CECR2: variants seen among roughly 807,000 people sequenced by gnomAD.
CECR2 encodes the protein chromatin remodeling regulator CECR2.
CECR2 carries 30 observed loss-of-function variants against 154.5 expected under a neutral mutation model. The observed-to-expected ratio is 0.19, with a 90% CI of 0.15 to 0.26. The LOEUF is 0.26. Among genes scored for constraint, CECR2 ranks in the 10% least tolerant of loss-of-function variants. CECR2 has a pLI of 1.00. For missense variants in CECR2, 1,743 were observed against 1,829.3 expected, an observed-to-expected ratio of 0.95 and a Z score of 0.86; for synonymous variants, 725 against 683.7, an observed-to-expected ratio of 1.06 and a Z score of -0.94.
chr22:17,413,842 A>C (rs1281199704), intron 1 of CECR2, among the ~76,000 whole-genome samples: 1 of 148,568 alleles, frequency 6.7e-6, no homozygotes, highest in Non-Finnish European at 1.5e-5. Context: ...ACGGCCGGCT[A>C]ATTTTTTTTT....
At chr22:17,433,572 A>G (rs1357532630) in intron 1 of CECR2, among the ~76,000 whole-genome samples, 1 of 152,084 alleles carries the variant, frequency 6.6e-6, no homozygotes. Context: ...CAGCCTCCCA[A>G]GTAGGTGGGA....
Position 17,539,051 on chromosome 22 carries a change from A to C in CECR2, c.1427A>C (p.Lys476Thr). 6.2e-7 allele frequency: 1 copy of C among 1,613,930 alleles called. No individual in the cohort carries two copies. ...KKLNGGLYCTKEEFVNDMKTM... is the reference protein window; with the variant it reads ...KKLNGGLYCTTEEFVNDMKTM... Reference sequence around the variant, plus strand: ...CTGAATGGAGGTTTATACTGTACCAAGGAGGAATTTGTAAATGACATGAAG... The same window carrying C: ...CTGAATGGAGGTTTATACTGTACCACGGAGGAATTTGTAAATGACATGAAG... The change falls in exon 13 of 19, where the codon AAG becomes ACG. Residue 476 changes from lysine to threonine, a missense_variant. This residue lies in a region of CECR2 where 103 missense variants were observed against 166.8 expected (regional missense o/e 0.62). Transcript: ENST00000262608.
intron 1 of CECR2, among the ~76,000 whole-genome samples, chr22:17,372,055 CCT>C (rs1491020314): frequency 2.6e-5 from 4 of 152,132 alleles, no homozygotes; most frequent in African/African-American, 9.7e-5. Flanking sequence ...ATATGACTGT[CCT>C]CTCTTTTGAC....
intron 7 of CECR2, among the ~76,000 whole-genome samples, 176 bp downstream of exon 7, chr22:17,505,192 G>A (rs1177432023): frequency 1.3e-5 from 2 of 151,990 alleles, no homozygotes; most frequent in African/African-American, 4.8e-5. Flanking sequence ...CTCCTTCACT[G>A]TGGGTCCTAT....
intron 16 of CECR2, among the ~76,000 whole-genome samples, chr22:17,543,515 T>G (rs1288422242): frequency 1.3e-5 from 2 of 152,014 alleles, no homozygotes; most frequent in African/African-American, 4.8e-5. Flanking sequence ...TGGTCATAAT[T>G]TTGACTCTGC....
intron 2 of CECR2, among the ~76,000 whole-genome samples, chr22:17,491,290 T>C (rs1414140580): frequency 6.6e-6 from 1 of 152,136 alleles, no homozygotes; most frequent in Non-Finnish European, 1.5e-5. Context: ...CCACAGCAGC[T>C]GCACACTTAG....
intron 1 of CECR2, among the ~76,000 whole-genome samples, chr22:17,465,880 A>G (rs1279060037): frequency 6.6e-6 from 1 of 151,942 alleles, no homozygotes; most frequent in Non-Finnish European, 1.5e-5. Flanking sequence ...CGTCCTCCCA[A>G]ATTGCTGGGA....
At chr22:17,537,049 C>G (rs754118009) in intron 9 of CECR2, 54 bp from the exon 10 acceptor site, 22 of 1,599,082 alleles carry the variant, frequency 1.4e-5, no homozygotes, top group Non-Finnish European at 1.2e-5. Flanking sequence ...AAGGAACACG[C>G]CATGTCAGTG....
intron 1 of CECR2, among the ~76,000 whole-genome samples, chr22:17,470,946 AG>A (rs2055117045): frequency 6.6e-6 from 1 of 152,202 alleles, no homozygotes; most frequent in African/African-American, 2.4e-5. Flanking sequence ...CTAATTCAGC[AG>A]TGATCTCCTA....
chr22:17,550,759 G>A (rs577661354), intron 17 of CECR2, among the ~76,000 whole-genome samples: 2 of 152,126 alleles, frequency 1.3e-5, no homozygotes, highest in African/African-American at 2.4e-5. Context: ...TGGCTAACAC[G>A]GTGAAACCCC....
chr22:17,499,683 A>G (rs1488079190), intron 4 of CECR2, 134 bp downstream of exon 4: 1 of 874,798 alleles, frequency 1.1e-6, no homozygotes, highest in African/African-American at 1.7e-5. Flanking sequence ...AAGAGATGGT[A>G]AGGAGATACT....
chr22:17,527,813 C>G (rs1444745724), intron 9 of CECR2, among the ~76,000 whole-genome samples: 1 of 150,150 alleles, frequency 6.7e-6, no homozygotes, highest in East Asian at 1.9e-4. Context: ...AAAAAGTGCT[C>G]AGTATCATTG....
At chr22:17,476,420 C>T (rs952120678) in intron 1 of CECR2, among the ~76,000 whole-genome samples, 2 of 151,866 alleles carry the variant, frequency 1.3e-5, no homozygotes, top group Non-Finnish European at 2.9e-5. Context: ...TGCCACCATG[C>T]CTGGCTAATT....
chr22:17,438,533 C>G (rs2054538810), intron 1 of CECR2, among the ~76,000 whole-genome samples: 1 of 152,236 alleles, frequency 6.6e-6, no homozygotes. Flanking sequence ...GCTTGTCCAA[C>G]CCACCTGCCC....
chr22:17,398,204 G>T (rs947548594), intron 1 of CECR2, among the ~76,000 whole-genome samples: 5 of 123,574 alleles, frequency 4.0e-5, no homozygotes, highest in African/African-American at 1.1e-4. Flanking sequence ...ATAACAAAGT[G>T]GGGGGGGGTA....
At chr22:17,383,820 A>C (rs1427867451) in intron 1 of CECR2, among the ~76,000 whole-genome samples, 1 of 151,774 alleles carries the variant, frequency 6.6e-6, no homozygotes, top group Non-Finnish European at 1.5e-5. Context: ...ATGCACCACC[A>C]CGTCTGGCTA....
At chr22:17,384,564 T>C (rs1222267206) in intron 1 of CECR2, among the ~76,000 whole-genome samples, 1 of 152,206 alleles carries the variant, frequency 6.6e-6, no homozygotes, top group Non-Finnish European at 1.5e-5. Context: ...TTGAAAGTAG[T>C]GACTTTTTTC....
intron 1 of CECR2, among the ~76,000 whole-genome samples, chr22:17,407,892 T>C (rs1048710903): frequency 3.3e-5 from 5 of 152,132 alleles, no homozygotes; most frequent in South Asian, 2.1e-4. Flanking sequence ...ACTGCTGAGA[T>C]TGAGAAACGC....
intron 1 of CECR2, among the ~76,000 whole-genome samples, chr22:17,400,938 TTG>T (rs2053882570): frequency 6.6e-6 from 1 of 152,038 alleles, no homozygotes; most frequent in African/African-American, 2.4e-5. Context: ...TTTGTTGTTG[TTG>T]TTGTTTGGTA....
Sources: allele counts gnomAD v4.1 joint callset (sites outside exome capture counted in the v4.1 genomes callset), GRCh38; gene constraint gnomAD v4.1.1; regional missense constraint gnomAD v4.1.1; transcripts MANE v1.5; gene names NCBI Gene and HGNC (gene_info 2026-07-23, HGNC 2026-07-21).